The following HS1BP3 variants were observed in gnomAD, a reference collection of about 807,000 sequenced individuals.
The protein encoded by HS1BP3 is HCLS1 binding protein 3.
A neutral mutation model predicts 33.5 loss-of-function variants in HS1BP3; 32 were observed. That is an observed-to-expected ratio of 0.95 (90% confidence interval 0.72 to 1.28). HS1BP3 has a LOEUF of 1.28. Among genes scored for constraint, HS1BP3 ranks in the 50% most tolerant of loss-of-function variants. The pLI, the probability that HS1BP3 is intolerant of heterozygous loss-of-function variation, is 0.00. For synonymous variants in HS1BP3, 187 were observed against 209.2 expected, an observed-to-expected ratio of 0.89 and a Z score of 0.92; for missense variants, 486 against 502.3, an observed-to-expected ratio of 0.97 and a Z score of 0.31.
chr2:20,621,218 T>C (rs1160428696), intron 6 of HS1BP3, among the ~76,000 whole-genome samples: 2 of 152,210 alleles, frequency 1.3e-5, no homozygotes, highest in African/African-American at 2.4e-5. Context: ...TGTGTGAGTA[T>C]GGAGGTGTCC....
chr2:20,557,593 C>A (rs977768564), downstream of HS1BP3, among the ~76,000 whole-genome samples: 2 of 152,202 alleles, frequency 1.3e-5, no homozygotes, highest in Admixed American at 1.3e-4. Flanking sequence ...GAGAAGCCAT[C>A]CTTTATCTAC....
Position 20,618,853 on chromosome 2 carries a change from G to C in HS1BP3, c.*134C>G. 1 of 1,442,912 alleles carries C rather than the reference G, an allele frequency of 6.9e-7. No individual in the cohort carries two copies. The highest frequency in any genetic ancestry group is 9.1e-7 in the Non-Finnish European group (1 of 1,101,542). 89.4% of individuals were successfully genotyped at this position (1,442,912 alleles called of 1,614,324 possible). On this transcript the variant is annotated 3_prime_UTR_variant, in exon 7 of 7. Transcript: ENST00000304031. ...GAGAAAATGGAACCATGCAGTTCTG[G>C]GTGCTGTGACCCAGGCTTCTGCCTG... is the stretch of plus-strand genomic sequence containing the variant.
At position 20,618,860 on chromosome 2, in the gene HS1BP3, T is replaced by C. The variant is rs1694502808; in HGVS notation, c.*127A>G. 3.5e-6 allele frequency: 5 copies of C among 1,445,592 alleles called. No individual in the cohort carries two copies. Among genetic ancestry groups the C allele is most frequent in the Non-Finnish European group, 4.5e-6 (5 of 1,102,526 alleles). 89.5% of individuals were successfully genotyped at this position (1,445,592 alleles called of 1,614,324 possible). ...TGGAACCATGCAGTTCTGGGTGCTG[T>C]GACCCAGGCTTCTGCCTGGCCTCCC... On this transcript the variant is annotated 3_prime_UTR_variant, in exon 7 of 7. Transcript: ENST00000304031.
intron 4 of HS1BP3, among the ~76,000 whole-genome samples, chr2:20,633,856 C>T (rs930306334): frequency 2.0e-5 from 3 of 152,224 alleles, no homozygotes; most frequent in African/African-American, 7.2e-5. Flanking sequence ...ATGCAGTTGG[C>T]ATGCACACTG....
At chr2:20,607,409 G>T (rs1240559607) in intron 2 of HS1BP3, among the ~76,000 whole-genome samples, 1 of 152,152 alleles carries the variant, frequency 6.6e-6, no homozygotes, top group Admixed American at 6.5e-5. Flanking sequence ...GCCCACCTCA[G>T]CCTCCCAATG....
At position 20,645,434 on chromosome 2, in the gene HS1BP3, A is replaced by G. The variant is rs1365593738; in HGVS notation, c.104T>C (p.Met35Thr). The G allele has an allele frequency of 1.2e-6, 2 of 1,614,054 alleles. No homozygotes were observed. The highest frequency in any genetic ancestry group is 4.5e-5 in the East Asian group (2 of 44,894). Reference sequence around the variant, plus strand: ...GATCTGGTACTCCACGTGTCCAGACATCATCTTGCCCCGTACCTCCTGGTG... The same window carrying G: ...GATCTGGTACTCCACGTGTCCAGACGTCATCTTGCCCCGTACCTCCTGGTG... ...PQHQEVRGKM[M>T]SGHVEYQILV... is the part of the protein sequence containing the mutation. The change falls in exon 2 of 7, where the codon ATG (methionine) becomes ACG (threonine). Residue 35 changes from methionine (M) to threonine (T), a missense_variant. By Grantham distance (81) the Met-to-Thr change is moderately conservative. Transcript: ENST00000304031.
chr2:20,582,609 C>T (rs1322885147), intron 5 of HS1BP3, among the ~76,000 whole-genome samples: 1 of 152,140 alleles, frequency 6.6e-6, no homozygotes, highest in East Asian at 1.9e-4. Flanking sequence ...CCTTTCTCTG[C>T]ACCCCCATCC....
At chr2:20,647,775 G>A (rs546838545) in intron 1 of HS1BP3, among the ~76,000 whole-genome samples, 1 of 152,102 alleles carries the variant, frequency 6.6e-6, no homozygotes, top group Non-Finnish European at 1.5e-5. Context: ...TGGGGGTGTG[G>A]TGGGCAGGAT....
chr2:20,591,977 G>A (rs1447858545), downstream of HS1BP3, among the ~76,000 whole-genome samples: 6 of 152,142 alleles, frequency 3.9e-5, no homozygotes, highest in South Asian at 2.1e-4. Context: ...TCAACATCAC[G>A]TCCCATGGAT....
chr2:20,572,859 C>G (rs1027615516), intron 5 of HS1BP3, among the ~76,000 whole-genome samples: 3 of 152,154 alleles, frequency 2.0e-5, no homozygotes, highest in African/African-American at 7.2e-5. Flanking sequence ...GTGCTCCTTG[C>G]ACTTCTAACT....
chr2:20,557,372 C>T (rs572990634), downstream of HS1BP3, among the ~76,000 whole-genome samples: 12 of 152,308 alleles, frequency 7.9e-5, no homozygotes, highest in East Asian at 2.1e-3. Context: ...ATGATGACGG[C>T]TGGGCCTCCT....
At chr2:20,614,823 C>T (rs17662495), downstream of HS1BP3, among the ~76,000 whole-genome samples, 36,067 of 152,178 alleles carry the variant, frequency 0.24, 5,078 homozygotes, top group Non-Finnish European at 0.32. Flanking sequence ...GCCCATAATC[C>T]CACTTCAGAA....
At chr2:20,597,527 T>C (rs1364760249) in intron 3 of HS1BP3, among the ~76,000 whole-genome samples, 1 of 152,166 alleles carries the variant, frequency 6.6e-6, no homozygotes, top group Non-Finnish European at 1.5e-5. Context: ...CAAACTGTGC[T>C]GTAGAAACCT....
chr2:20,621,425 G>A (rs1391713185), intron 6 of HS1BP3, among the ~76,000 whole-genome samples: 3 of 152,268 alleles, frequency 2.0e-5, no homozygotes, highest in Admixed American at 6.5e-5. Flanking sequence ...GGCCCAAGCC[G>A]GGCCTTCATA....
At chr2:20,558,909 C>T (rs1572280860), downstream of HS1BP3, among the ~76,000 whole-genome samples, 1 of 152,144 alleles carries the variant, frequency 6.6e-6, no homozygotes, top group Non-Finnish European at 1.5e-5. Context: ...AGTCTGGGAG[C>T]GTGAGGCTAG....
chr2:20,617,446 A>G (rs928378936), downstream of HS1BP3, among the ~76,000 whole-genome samples: 1 of 151,968 alleles, frequency 6.6e-6, no homozygotes, highest in Non-Finnish European at 1.5e-5. Context: ...CCCCAAAACC[A>G]CCTGTTTCCT....
At chr2:20,626,134 T>C (rs1056670839) in intron 4 of HS1BP3, among the ~76,000 whole-genome samples, 1 of 151,842 alleles carries the variant, frequency 6.6e-6, no homozygotes, top group African/African-American at 2.4e-5. Context: ...GCCTACACAA[T>C]GATACAGATT....
intron 4 of HS1BP3, among the ~76,000 whole-genome samples, chr2:20,631,698 C>A (rs1488326752): frequency 3.9e-5 from 6 of 152,006 alleles, no homozygotes; most frequent in Non-Finnish European, 2.9e-5. Flanking sequence ...CAGTGACAAT[C>A]CCACCTGAGC....
At chr2:20,562,540 T>G (rs1693026701) in intron 5 of HS1BP3, among the ~76,000 whole-genome samples, 1 of 152,226 alleles carries the variant, frequency 6.6e-6, no homozygotes, top group Admixed American at 6.5e-5. Flanking sequence ...GTAAAGTGTT[T>G]CTGAGTCCTT....
Sources: gnomAD v4.1 joint callset for allele counts (sites outside exome capture counted in the v4.1 genomes callset) on GRCh38, gnomAD v4.1.1 for gene constraint, MANE v1.5 for transcripts, NCBI Gene and HGNC (gene_info 2026-07-23, HGNC 2026-07-21) for gene names.